The following NRG2 variants were observed in gnomAD, a reference collection of about 807,000 sequenced individuals.
NRG2 encodes pro-neuregulin-2, membrane-bound isoform.
In NRG2, 27 loss-of-function variants were observed where a neutral mutation model predicts 73.9. The observed-to-expected ratio is 0.37, with a 90% CI of 0.27 to 0.50. The LOEUF (loss-of-function observed/expected upper bound fraction) is 0.50, where lower values mean the gene tolerates loss of function less well. Among genes scored for constraint, NRG2 ranks in the 20% least tolerant of loss-of-function variants. NRG2 has a pLI of 0.96. For synonymous variants in NRG2, 532 were observed against 541.0 expected (o/e 0.98, Z 0.23); for missense variants, 1,126 against 1,210.1 (o/e 0.93, Z 1.03).
At chr5:140,028,753 G>A (rs997560135) in intron 1 of NRG2, among the ~76,000 whole-genome samples, 8 of 152,128 alleles carry the variant, frequency 5.3e-5, no homozygotes, top group African/African-American at 1.9e-4. Context: ...AAAAGGTGGT[G>A]TGTAATTCTC....
intron 1 of NRG2, among the ~76,000 whole-genome samples, chr5:139,906,886 A>G (rs1765269389): frequency 6.6e-6 from 1 of 152,234 alleles, no homozygotes. Flanking sequence ...ATTAAGAGGT[A>G]CTGGGGGAAG....
chr5:139,851,143 T>C lies in NRG2; in HGVS notation c.1772+461A>G, dbSNP rs977956662. ...CTGTGATTACAGGCATGTGCCACCATGCCTGGCTAATTTTTGTATTTTTAG... is the reference window on the plus strand; with the variant it reads ...CTGTGATTACAGGCATGTGCCACCACGCCTGGCTAATTTTTGTATTTTTAG... On this transcript the variant is annotated intron_variant, in intron 9 of 9. Transcript: ENST00000361474. The surrounding 1 kb of genome is among the most constrained non-coding windows in gnomAD (Gnocchi z 4.2). Among the ~76,000 whole-genome samples, 2 of 152,084 alleles carry C rather than the reference T, an allele frequency of 1.3e-5. No homozygotes were observed. Among genetic ancestry groups the C allele is most frequent in the Non-Finnish European group, 2.9e-5 (2 of 68,000 alleles).
At chr5:139,978,913 T>C (rs1042624345) in intron 1 of NRG2, among the ~76,000 whole-genome samples, 1 of 151,642 alleles carries the variant, frequency 6.6e-6, no homozygotes, top group East Asian at 1.9e-4. Context: ...CCATAAAAAA[T>C]GATGAGTTCA....
chr5:139,938,850 AAGAG>A (rs61044289), intron 1 of NRG2, among the ~76,000 whole-genome samples: 3,514 of 95,066 alleles, frequency 0.037, 106 homozygotes, highest in Middle Eastern at 0.067. Context: ...ACAGAAAGGG[AAGAG>A]AGAGAGAGAG....
chr5:139,906,907 G>C (rs1765270897), intron 1 of NRG2, among the ~76,000 whole-genome samples: 1 of 152,170 alleles, frequency 6.6e-6, no homozygotes, highest in South Asian at 2.1e-4. Context: ...AGTATTCCTG[G>C]CAGAAGTATC....
intron 6 of NRG2, among the ~76,000 whole-genome samples, chr5:139,854,593 T>TGACTCTCCTCCA (rs1761698603): frequency 6.6e-6 from 1 of 152,204 alleles, no homozygotes; most frequent in Non-Finnish European, 1.5e-5. Context: ...AACTCCCTCC[T>TGACTCTCCTCCA]GACTCTCCTC....
At chr5:139,890,232 A>C (rs1029605740) in intron 1 of NRG2, among the ~76,000 whole-genome samples, 56 of 152,308 alleles carry the variant, frequency 3.7e-4, no homozygotes, top group Non-Finnish European at 1.0e-4. Context: ...ATTACTGATG[A>C]GGCTGAACAT....
chr5:139,880,637 G>C (rs1763471771), intron 3 of NRG2, among the ~76,000 whole-genome samples: 1 of 151,698 alleles, frequency 6.6e-6, no homozygotes, highest in Non-Finnish European at 1.5e-5. Context: ...TTTAAAATGA[G>C]AGCTGGCGGC....
rs189092228 is a variant in NRG2 at position 139,922,514 on chromosome 5, A to G, written c.701-35003T>C. ...TCATTGCTGGTGGTAATGTCAAACA[A>G]TATAGTCACTTTGTAAGACAGTTTA... is the stretch of plus-strand genomic sequence containing the variant. On this transcript the variant is annotated intron_variant, in intron 1 of 9. Transcript: ENST00000361474. Among the ~76,000 whole-genome samples, 838 of 152,342 alleles carry G rather than the reference A, an allele frequency of 5.5e-3. 13 individuals are homozygous for G. The highest frequency in any genetic ancestry group is 0.018 in the African/African-American group (755 of 41,584).
chr5:139,865,708 T>C lies in NRG2; in HGVS notation c.1113-83A>G. On this transcript the variant is annotated intron_variant, in intron 4 of 9. Coordinates refer to ENST00000361474, the MANE Select transcript of NRG2 (RefSeq NM_004883.3). This position sits in a 1 kb window ranked among gnomAD's most constrained non-coding sequence, Gnocchi z 5.2. ...GGTTAGAAATCAAAGTGCACAGTGA[T>C]GAATGAGAAAAACCAAGTCAGGCAC... 1.7e-6 allele frequency: 2 copies of C among 1,211,696 alleles called. No homozygotes were observed. The highest frequency in any genetic ancestry group is 2.4e-6 in the Non-Finnish European group (2 of 848,820). The allele number at this position is 1,211,696 out of a possible 1,614,324, so 75.1% of individuals were successfully genotyped here.
rs112002351 is a variant in NRG2, at chr5:139,968,898, C to G, written c.700+73472G>C. Among the ~76,000 whole-genome samples, 457 of 152,316 alleles carry G rather than the reference C, an allele frequency of 3.0e-3. 1 individual carries two copies. Among genetic ancestry groups the G allele is most frequent in the South Asian group, 0.013 (65 of 4,826 alleles). ...CCAGGAGGAGAGGGCACTCCGAGGC[C>G]GGTGCAGGAGCTGAGACGCAGCCTG... On this transcript the variant is annotated intron_variant, in intron 1 of 9. Transcript: ENST00000361474.
chr5:139,914,091 G>A (rs1751056331), intron 1 of NRG2, among the ~76,000 whole-genome samples: 1 of 152,176 alleles, frequency 6.6e-6, no homozygotes, highest in South Asian at 2.1e-4. Flanking sequence ...AGGAGGTTGA[G>A]GCTGCTGTGA....
intron 1 of NRG2, among the ~76,000 whole-genome samples, chr5:139,924,684 G>A (rs920496480): frequency 5.9e-5 from 9 of 152,090 alleles, no homozygotes; most frequent in African/African-American, 2.2e-4. Flanking sequence ...CTCTTTACTT[G>A]TCTTTTTTGG....
intron 1 of NRG2, among the ~76,000 whole-genome samples, chr5:139,989,688 T>C (rs1421224585): frequency 6.6e-6 from 1 of 151,970 alleles, no homozygotes; most frequent in Admixed American, 6.6e-5. Flanking sequence ...CTGTGTAATA[T>C]TCCACTGTAG....
chr5:139,983,968 T>C (rs1439022523), intron 1 of NRG2, among the ~76,000 whole-genome samples: 4 of 152,182 alleles, frequency 2.6e-5, no homozygotes, highest in African/African-American at 9.7e-5. Context: ...GCCAGGATCA[T>C]AGAAACATTC....
rs911800880 is a variant in NRG2, at chr5:139,865,766, G to A, written c.1113-141C>T. The A allele has an allele frequency of 1.6e-6, 1 of 606,624 alleles. No individual in the cohort carries two copies. The highest frequency in any genetic ancestry group is 1.9e-5 in the African/African-American group (1 of 52,714). The allele number at this position is 606,624 out of a possible 1,614,324, so 37.6% of individuals were successfully genotyped here. ...CATACTTGTAGCTGAAGGGACTGGA[G>A]TCAGGGCTGGGTGGAGGGCTCTGAA... On this transcript the variant is annotated intron_variant, in intron 4 of 9. Transcript: ENST00000361474. The surrounding 1 kb of genome is among the most constrained non-coding windows in gnomAD (Gnocchi z 5.2).
chr5:139,950,952 G>C (rs1297424924), intron 1 of NRG2, among the ~76,000 whole-genome samples: 1 of 152,206 alleles, frequency 6.6e-6, no homozygotes, highest in African/African-American at 2.4e-5. Flanking sequence ...GCCAATAACA[G>C]CTCCCATATA....
In NRG2 at chr5:139,935,002, T is replaced by C. The variant is rs1472591540; in HGVS notation, c.701-47491A>G. 3.3e-5 allele frequency among the ~76,000 whole-genome samples: 5 copies of C among 152,128 alleles called. No homozygotes were observed. In the East Asian group the frequency reaches 5.8e-4, roughly 18 times the overall value. On this transcript the variant is annotated intron_variant, in intron 1 of 9. Coordinates refer to ENST00000361474, the MANE Select transcript of NRG2 (RefSeq NM_004883.3). Reference sequence around the variant, plus strand: ...CAAAATGGCGAAACCCCGTCTCTACTAAAAATACAAAACAATTAGCTGGGA... The same window carrying C: ...CAAAATGGCGAAACCCCGTCTCTACCAAAAATACAAAACAATTAGCTGGGA...
intron 1 of NRG2, among the ~76,000 whole-genome samples, chr5:140,000,787 A>G (rs1039696742): frequency 6.6e-6 from 1 of 152,216 alleles, no homozygotes; most frequent in Non-Finnish European, 1.5e-5. Context: ...AGGAGCGGCC[A>G]TAGATTCCTA....
Sources: allele counts gnomAD v4.1 joint callset (sites outside exome capture counted in the v4.1 genomes callset), GRCh38; gene constraint gnomAD v4.1.1; non-coding constraint Gnocchi (gnomAD v3.1); transcripts MANE v1.5; gene names NCBI Gene and HGNC (gene_info 2026-07-23, HGNC 2026-07-21).